TCOF1: variants seen among roughly 807,000 people sequenced by gnomAD.
TCOF1 encodes treacle ribosome biogenesis factor 1, also known as treacle protein.
In TCOF1, 33 loss-of-function variants were observed where a neutral mutation model predicts 149.0. The observed-to-expected ratio is 0.22, with a 90% CI of 0.17 to 0.30. TCOF1 has a LOEUF of 0.30. TCOF1 is among the 10% of genes least tolerant of loss of function. The probability of loss-of-function intolerance (pLI) is 1.00; values close to 1 mark genes in which losing one functional copy is unlikely to be tolerated. For missense variants in TCOF1, 1,728 were observed against 1,840.7 expected (o/e 0.94, Z 1.12); for synonymous variants, 789 against 738.8 (o/e 1.07, Z -1.10).
rs1769465768 is a variant in TCOF1, at chr5:150,400,107, A to C, written c.*320A>C. 6.6e-6 allele frequency: 1 copy of C among 152,340 alleles called. No homozygotes were observed. The highest frequency in any genetic ancestry group is 2.1e-4 in the South Asian group (1 of 4,824). The allele number at this position is 152,340 out of a possible 1,614,324, so 9.4% of individuals were successfully genotyped here. On this transcript the variant is annotated 3_prime_UTR_variant, in exon 27 of 27. Transcript: ENST00000643257. ...TCCTTCCACAGACCCCACATGCCCA[A>C]AGGCCTCGGGACTTCCCACCACCTT...
chr5:150,398,213 C>T (rs1285632217), intron 24 of TCOF1, 141 bp from the exon 25 acceptor site: 22 of 1,543,978 alleles, frequency 1.4e-5, no homozygotes, highest in African/African-American at 1.1e-4. Flanking sequence ...TGAACCTCCA[C>T]GCCCCGCCCT....
At chr5:150,387,427 G>A (rs1766508294) in intron 17 of TCOF1, among the ~76,000 whole-genome samples, 1 of 152,226 alleles carries the variant, frequency 6.6e-6, no homozygotes, top group Non-Finnish European at 1.5e-5. Flanking sequence ...GGGGCAACTA[G>A]ACTGTAAATA....
At chr5:150,364,018 T>G in intron 2 of TCOF1, 95 bp from the exon 3 acceptor site, 1 of 1,585,920 alleles carries the variant, frequency 6.3e-7, no homozygotes, top group Non-Finnish European at 8.6e-7. Context: ...ACATTGCCTT[T>G]AAGAGCTGGA....
chr5:150,397,785 G>A (rs1369861596), intron 24 of TCOF1, among the ~76,000 whole-genome samples: 1 of 152,132 alleles, frequency 6.6e-6, no homozygotes, highest in Non-Finnish European at 1.5e-5. Context: ...ATAAATTTGC[G>A]GGAGTTTTAA....
intron 19 of TCOF1, among the ~76,000 whole-genome samples, chr5:150,390,792 G>A (rs1767267779): frequency 6.6e-6 from 1 of 152,204 alleles, no homozygotes; most frequent in African/African-American, 2.4e-5. Flanking sequence ...GCATCCATGA[G>A]CATCGGTTCC....
intron 17 of TCOF1, among the ~76,000 whole-genome samples, chr5:150,385,382 T>C (rs917082231): frequency 3.9e-5 from 6 of 152,192 alleles, no homozygotes; most frequent in African/African-American, 1.4e-4. Context: ...AGTTTGCTGG[T>C]TGCCCTGGGT....
chr5:150,374,258 C>T lies in TCOF1; in HGVS notation c.955C>T (p.Pro319Ser). Reference sequence around the variant, plus strand: ...CCCTGGGAAAGGGGCTACCCCAGCACCCCCTGGGAAGGCAGGGGCTGTAGC... The same window carrying T: ...CCCTGGGAAAGGGGCTACCCCAGCATCCCCTGGGAAGGCAGGGGCTGTAGC... ...GTPGKGATPA[P>S]PGKAGAVASQ... The change falls in exon 8 of 27, where the codon CCC becomes TCC. Residue 319 changes from proline to serine, a missense_variant. Physicochemically the swap from Pro to Ser is moderately conservative, Grantham distance 74. Around this residue, in one of 2 missense-constraint regions of TCOF1, gnomAD observed 1,696 missense variants for 1,765.4 expected, o/e 0.96. Coordinates refer to ENST00000643257, the MANE Select transcript of TCOF1 (RefSeq NM_001371623.1). 1.9e-6 allele frequency: 3 copies of T among 1,608,232 alleles called. No homozygotes were observed. The highest frequency in any genetic ancestry group is 1.1e-5 in the South Asian group (1 of 90,178).
At chr5:150,369,679 A>C (rs1418315526) in intron 6 of TCOF1, 77 bp downstream of exon 6, 7 of 1,510,252 alleles carry the variant, frequency 4.6e-6, no homozygotes, top group Non-Finnish European at 6.4e-6. Flanking sequence ...GGCTTCAGAC[A>C]CCAGTGGGCC....
chr5:150,392,231 C>T (rs1329929005), intron 21 of TCOF1, 55 bp downstream of exon 21: 2 of 1,571,838 alleles, frequency 1.3e-6, no homozygotes, highest in African/African-American at 1.4e-5. Flanking sequence ...GTTGTGTGGC[C>T]TGGTGGAGCC....
rs779373224 is a variant in TCOF1 at position 150,367,920 on chromosome 5, G to A, written c.378+3G>A. 5.6e-6 allele frequency: 9 copies of A among 1,614,006 alleles called. No homozygotes were observed. In the Admixed American group the frequency reaches 1.5e-4, roughly 27 times the overall value. On this transcript the variant is annotated splice_donor_region_variant and intron_variant, in intron 4 of 26. Transcript: ENST00000643257. ...CAAGCATGAAAGAAAAAGCCAAGGT[G>A]AGTGGGACTGCCTTCCAAGCTATTG...
Position 150,371,957 on chromosome 5 carries a change from G to A in TCOF1, c.640-49G>A, listed in dbSNP as rs1581089543. On this transcript the variant is annotated intron_variant, in intron 6 of 26. Transcript: ENST00000643257. ...GAAGCCCCTAATACAGAACCTTAGG[G>A]GGAAACAGTAATTATTATTCATTTT... The A allele has an allele frequency of 1.9e-6, 3 of 1,548,688 alleles. No individual in the cohort carries two copies. In the African/African-American group the frequency reaches 4.1e-5, roughly 21 times the overall value.
At position 150,375,849 on chromosome 5, in the gene TCOF1, C is replaced by G; in HGVS notation, c.1833C>G (p.Ser611Arg). 6.2e-7 allele frequency: 1 copy of G among 1,614,158 alleles called. No individual in the cohort carries two copies. Among genetic ancestry groups the G allele is most frequent in the Non-Finnish European group, 8.5e-7 (1 of 1,180,022 alleles). ...AGCCCATGGACAACTCGGAGAGCAGCGAGGAGTCATCGGACAGTGCGGACA... is the reference window on the plus strand; with the variant it reads ...AGCCCATGGACAACTCGGAGAGCAGGGAGGAGTCATCGGACAGTGCGGACA... ...AEKPMDNSES[S>R]EESSDSADSE... The change falls in exon 12 of 27, where the codon AGC becomes AGG. Residue 611 changes from serine (S) to arginine (R), a missense_variant. Around this residue, in one of 2 missense-constraint regions of TCOF1, gnomAD observed 1,696 missense variants for 1,765.4 expected, o/e 0.96. Coordinates refer to ENST00000643257, the MANE Select transcript of TCOF1 (RefSeq NM_001371623.1).
chr5:150,393,152 A>G, intron 22 of TCOF1: 1 of 614,856 alleles, frequency 1.6e-6, no homozygotes, highest in African/African-American at 1.8e-5. Flanking sequence ...TCCTTTTTAA[A>G]TGTGCCTGTC....
intron 2 of TCOF1, among the ~76,000 whole-genome samples, chr5:150,363,727 G>A (rs771330848): frequency 1.3e-5 from 2 of 152,128 alleles, no homozygotes; most frequent in Admixed American, 6.5e-5. Context: ...AAGTTGAGAC[G>A]GGAAGGACGA....
intron 14 of TCOF1, chr5:150,378,473 G>A (rs1469784430): frequency 8.3e-6 from 2 of 241,416 alleles, no homozygotes; most frequent in East Asian, 2.2e-4. Context: ...CTAGCCTGGA[G>A]GAGGAAGAGA....
chr5:150,399,111 A>G lies in TCOF1; in HGVS notation c.*22+41A>G, dbSNP rs1769233473. On this transcript the variant is annotated intron_variant, in intron 26 of 26. Coordinates refer to ENST00000643257, the MANE Select transcript of TCOF1 (RefSeq NM_001371623.1). ...ATTCCTGAGCATTCAGGGTGGGAGGACAGCTCTGGTGTCCCCTGTGGTCCC... is the reference window on the plus strand; with the variant it reads ...ATTCCTGAGCATTCAGGGTGGGAGGGCAGCTCTGGTGTCCCCTGTGGTCCC... 10 of 1,613,474 alleles carry G rather than the reference A, an allele frequency of 6.2e-6. 1 individual carries two copies. The Admixed American group carries it at 1.7e-4, about 27-fold the overall frequency.
In TCOF1 at chr5:150,384,390, C is replaced by G. The variant is rs984209201; in HGVS notation, c.2860-3512C>G. On this transcript the variant is annotated intron_variant, in intron 17 of 26. Transcript: ENST00000643257. ...AGTTGAGGGACCTGTCCCAGCATCA[C>G]ATGGCTGATGACAAGTGGACAGACC... is the stretch of plus-strand genomic sequence containing the variant. 2.9e-5 allele frequency: 29 copies of G among 985,496 alleles called. No homozygotes were observed. The Admixed American group carries it at 7.3e-4, about 25-fold the overall frequency. The allele number at this position is 985,496 out of a possible 1,614,324, so 61.0% of individuals were successfully genotyped here.
intron 12 of TCOF1, 45 bp from the exon 13 acceptor site, chr5:150,376,037 C>CT (rs777408760): frequency 1.9e-6 from 3 of 1,613,160 alleles, no homozygotes; most frequent in South Asian, 2.2e-5. Context: ...ATGGGGGACT[C>CT]TGAGTTCAGG....
Position 150,392,759 on chromosome 5 carries a change from C to T in TCOF1, c.3572C>T (p.Ser1191Phe). 1.2e-6 allele frequency: 2 copies of T among 1,614,068 alleles called. No homozygotes were observed. The highest frequency in any genetic ancestry group is 1.7e-6 in the Non-Finnish European group (2 of 1,180,008). The change falls in exon 22 of 27, where the codon TCC (serine) becomes TTC (phenylalanine). Residue 1191 changes from serine to phenylalanine, a missense_variant. Ser to Phe is a radical substitution (Grantham distance 155, BLOSUM62 -2). Around this residue, in one of 2 missense-constraint regions of TCOF1, gnomAD observed 1,696 missense variants for 1,765.4 expected, o/e 0.96. Transcript: ENST00000643257. ...ETLVEETAAE[S>F]SEDDVVAPSQ... Reference sequence around the variant, plus strand: ...CTGGTGGAGGAGACCGCAGCAGAGTCCAGCGAGGATGATGTGGTGGCGCCA... The same window carrying T: ...CTGGTGGAGGAGACCGCAGCAGAGTTCAGCGAGGATGATGTGGTGGCGCCA...
Sources: gnomAD v4.1 joint callset for allele counts (sites outside exome capture counted in the v4.1 genomes callset) on GRCh38, gnomAD v4.1.1 for gene constraint, gnomAD v4.1.1 regional missense constraint, MANE v1.5 for transcripts, NCBI Gene and HGNC (gene_info 2026-07-23, HGNC 2026-07-21) for gene names.